Variants in ZFYVE26 observed in about 807,000 individuals in gnomAD.
ZFYVE26 encodes zinc finger FYVE-type containing 26.
Under a neutral mutation model 276.5 loss-of-function variants are expected in ZFYVE26, and 181 were observed. The observed-to-expected ratio is 0.65, with a 90% CI of 0.58 to 0.74. The LOEUF is 0.74. Among genes scored for constraint, ZFYVE26 ranks in the 30% least tolerant of loss-of-function variants. ZFYVE26 has a pLI of 0.00. For missense variants in ZFYVE26, 2,821 were observed against 3,097.9 expected (o/e 0.91, Z 2.12); for synonymous variants, 1,129 against 1,203.1 (o/e 0.94, Z 1.27).
At chr14:67,782,613 C>T (rs1312984764) in intron 21 of ZFYVE26, among the ~76,000 whole-genome samples, 167 bp downstream of exon 21, 1 of 152,162 alleles carries the variant, frequency 6.6e-6, no homozygotes, top group Admixed American at 6.5e-5. Context: ...CCACTTACCA[C>T]CCTGGGCAAG....
At chr14:67,784,823 T>G (rs532527136) in intron 19 of ZFYVE26, among the ~76,000 whole-genome samples, 22 of 152,198 alleles carry the variant, frequency 1.4e-4, no homozygotes, top group Non-Finnish European at 2.9e-4. Context: ...CTGACAGAGA[T>G]ATTTTTGAGT....
intron 41 of ZFYVE26, chr14:67,750,370 C>T (rs1376376176): frequency 6.4e-6 from 1 of 155,734 alleles, no homozygotes. Context: ...ACAGGGGACT[C>T]AGCTGTCAGA....
At chr14:67,763,687 A>G (rs2038990976) in intron 32 of ZFYVE26, among the ~76,000 whole-genome samples, 2 of 152,234 alleles carry the variant, frequency 1.3e-5, no homozygotes, top group African/African-American at 4.8e-5. Flanking sequence ...GCAATGCATG[A>G]CTGTGACAGT....
chr14:67,750,366 G>A (rs1209776413), intron 41 of ZFYVE26: 2 of 155,522 alleles, frequency 1.3e-5, no homozygotes, highest in South Asian at 2.0e-4. Flanking sequence ...CATCACAGGG[G>A]ACTCAGCTGT....
At position 67,774,931 on chromosome 14, in the gene ZFYVE26, C is replaced by CAA. The variant is rs35993176; in HGVS notation, c.5320+83_5320+84dup. ...TGTAACTGGCAATGAAAAAAAGAAG[C>CAA]AAAAAAAAAAAAAAAATTCTGAAGG... On this transcript the variant is annotated intron_variant, in intron 27 of 41. Transcript: ENST00000347230. 79,030 of 793,208 alleles carry CAA rather than the reference C, an allele frequency of 0.1. 1,679 individuals carry two copies. Among genetic ancestry groups the CAA allele is most frequent in the Non-Finnish European group, 0.12 (60,283 of 500,000 alleles). 49.1% of individuals were successfully genotyped at this position (793,208 alleles called of 1,614,324 possible). A position where few individuals can be genotyped will look rare whatever the true frequency, so the allele number is the denominator to read the frequency against.
At chr14:67,797,644 G>C (rs2039983051) in intron 12 of ZFYVE26, 28 bp downstream of exon 12, 2 of 1,611,896 alleles carry the variant, frequency 1.2e-6, no homozygotes, top group African/African-American at 2.7e-5. Context: ...CACTTGCCTA[G>C]TGCATGGGAA....
rs749100804 is a variant in ZFYVE26 at position 67,793,707 on chromosome 14, G to T, written c.2454C>A (p.His818Gln). 1.2e-6 allele frequency: 2 copies of T among 1,613,852 alleles called. No homozygotes were observed. The highest frequency in any genetic ancestry group is 1.7e-6 in the Non-Finnish European group (2 of 1,179,906). The part of the protein sequence containing the change: ...SGRNELHSRL[H>Q]PHPQSSLIPM... ...GGATGAGTGAACTTTGAGGATGGGGGTGCAATCTACTGTGCAGCTCATTCC... is the reference window on the plus strand; with the variant it reads ...GGATGAGTGAACTTTGAGGATGGGGTTGCAATCTACTGTGCAGCTCATTCC... Residue 818 changes from histidine (H) to glutamine (Q), a missense_variant, in exon 14 of 42, where the codon CAC (histidine) becomes CAA (glutamine). Coordinates refer to ENST00000347230, the MANE Select transcript of ZFYVE26 (RefSeq NM_015346.4).
intron 14 of ZFYVE26, among the ~76,000 whole-genome samples, chr14:67,792,408 T>C (rs1286184252): frequency 6.6e-6 from 1 of 152,228 alleles, no homozygotes. Flanking sequence ...AGGATTTTTA[T>C]ATTTCTCACG....
chr14:67,779,042 A>T (rs1257916180), intron 23 of ZFYVE26, among the ~76,000 whole-genome samples: 1 of 152,216 alleles, frequency 6.6e-6, no homozygotes, highest in African/African-American at 2.4e-5. Flanking sequence ...ACCATCTACC[A>T]CAGTGATTGG....
intron 8 of ZFYVE26, 136 bp from the exon 9 acceptor site, chr14:67,804,400 T>C (rs2040136522): frequency 2.6e-6 from 3 of 1,170,358 alleles, no homozygotes; most frequent in Middle Eastern, 2.0e-4. Context: ...ATCTAAATTT[T>C]AGTTGGTTTG....
At chr14:67,732,612 T>C (rs2038296851) in intron 13 of ZFYVE26, among the ~76,000 whole-genome samples, 1 of 152,000 alleles carries the variant, frequency 6.6e-6, no homozygotes, top group South Asian at 2.1e-4. Flanking sequence ...GTTTCGGTCT[T>C]GTCGCCCAGG....
chr14:67,790,220 T>A (rs924388724), intron 15 of ZFYVE26, among the ~76,000 whole-genome samples: 25 of 152,238 alleles, frequency 1.6e-4, no homozygotes. Flanking sequence ...TAAAACAATA[T>A]GCTTTATCCC....
At chr14:67,732,096 C>T (rs1252876550) in intron 13 of ZFYVE26, among the ~76,000 whole-genome samples, 2 of 144,464 alleles carry the variant, frequency 1.4e-5, no homozygotes, top group Non-Finnish European at 3.0e-5. Context: ...CACTGCACTC[C>T]AGCCTGGGCG....
At chr14:67,742,835 C>T (rs866938372), downstream of ZFYVE26, among the ~76,000 whole-genome samples, 2,314 of 16,512 alleles carry the variant, frequency 0.14, 123 homozygotes, top group African/African-American at 0.29. Flanking sequence ...CTTTCTTCTT[C>T]TTCTTTTTTT....
At chr14:67,776,894 AGGAC>A (rs2039358854) in intron 25 of ZFYVE26, among the ~76,000 whole-genome samples, 1 of 152,236 alleles carries the variant, frequency 6.6e-6, no homozygotes, top group African/African-American at 2.4e-5. Flanking sequence ...GGTAGTATAT[AGGAC>A]TGTCAGGCAG....
In ZFYVE26 at chr14:67,783,086, A is replaced by C. The variant is rs149276487; in HGVS notation, c.4066T>G (p.Cys1356Gly). ...GGGAATTGTTCCAGAAGGCGCTCAC[A>C]CTCCCGGGCTACCTGCTCTGCAGCC... ...PLAAEQVARE[C>G]ERLLEQFPLF... is the part of the protein sequence containing the mutation. The change falls in exon 21 of 42, where the codon TGT becomes GGT. Residue 1356 changes from cysteine to glycine, a missense_variant. Physicochemically the swap from Cys to Gly is radical, Grantham distance 159 (BLOSUM62 -3). Coordinates refer to ENST00000347230, the MANE Select transcript of ZFYVE26 (RefSeq NM_015346.4). 6.7e-4 allele frequency: 1,078 copies of C among 1,613,060 alleles called. 30 individuals are homozygous for C. The East Asian group carries it at 0.013, about 20-fold the overall frequency.
In ZFYVE26 at chr14:67,775,043, CTGATGG is replaced by C; in HGVS notation, c.5287_5292del (p.Pro1763_Ser1764del). 6.2e-7 allele frequency: 1 copy of C among 1,612,324 alleles called. No individual in the cohort carries two copies. The highest frequency in any genetic ancestry group is 8.5e-7 in the Non-Finnish European group (1 of 1,179,434). On this transcript the variant is annotated inframe_deletion, in exon 27 of 42. Transcript: ENST00000347230. Reference sequence around the variant, plus strand: ...GGAGGAGCAGCAGGAGAGAACTCTGCTGATGGTGATCTAGGGAGGGTCTCGGGATCT... The same window carrying C: ...GGAGGAGCAGCAGGAGAGAACTCTGCTGATCTAGGGAGGGTCTCGGGATCT...
intron 3 of ZFYVE26, among the ~76,000 whole-genome samples, chr14:67,810,660 T>C (rs2040280553): frequency 6.6e-6 from 1 of 152,202 alleles, no homozygotes; most frequent in African/African-American, 2.4e-5. Flanking sequence ...TGCGCCTGCT[T>C]GTTTCACAAT....
Position 67,783,343 on chromosome 14 carries a change from A to T in ZFYVE26, c.3809T>A (p.Leu1270His). Reference protein sequence around the residue: ...HASHCLDDLPLSTPSSPRTTE... With the variant: ...HASHCLDDLPHSTPSSPRTTE... ...TGTCCTCGGGGAGCTCGGTGTAGAA[A>T]GTGGGAGGTCATCCAGGCAGTGAGA... The change falls in exon 21 of 42, where the codon CTT (leucine) becomes CAT (histidine). Residue 1270 changes from leucine to histidine, a missense_variant. Physicochemically the swap from Leu to His is moderately conservative, Grantham distance 99. Transcript: ENST00000347230. 1 of 1,612,866 alleles carries T rather than the reference A, an allele frequency of 6.2e-7. No homozygotes were observed. Among genetic ancestry groups the T allele is most frequent in the Non-Finnish European group, 8.5e-7 (1 of 1,179,014 alleles).
Sources: gnomAD v4.1 joint callset for allele counts (sites outside exome capture counted in the v4.1 genomes callset) on GRCh38, gnomAD v4.1.1 for gene constraint, MANE v1.5 for transcripts, NCBI Gene and HGNC (gene_info 2026-07-23, HGNC 2026-07-21) for gene names.